The following GREP1 variants were observed in gnomAD, a reference collection of about 807,000 sequenced individuals.
The protein encoded by GREP1 is glycine-rich extracellular protein 1.
chr16:2,989,653 G>C lies in GREP1; in HGVS notation c.130+101G>C, dbSNP rs1251086524. 3 of 399,206 alleles carry C rather than the reference G, an allele frequency of 7.5e-6. No homozygotes were observed. Among genetic ancestry groups the C allele is most frequent in the Non-Finnish European group, 1.3e-5 (3 of 226,422 alleles). 24.7% of individuals were successfully genotyped at this position (399,206 alleles called of 1,614,324 possible). On this transcript the variant is annotated intron_variant, in intron 3 of 34. Coordinates refer to ENST00000573315, the Ensembl canonical transcript of GREP1. The surrounding 1 kb of genome is among the most constrained non-coding windows in gnomAD (Gnocchi z 4.2). ...AAAGCTGGGCGGGGGGCAGGTAAAG[G>C]GGGAAGCAGTCGTCTCAGAAATACA...
intron 2 of GREP1, among the ~76,000 whole-genome samples, 168 bp downstream of exon 2, chr16:2,988,790 C>T (rs1424599739): frequency 2.6e-5 from 4 of 152,172 alleles, no homozygotes; most frequent in Admixed American, 6.5e-5. Flanking sequence ...GTGGGGAGCA[C>T]AGACACCCTG....
intron 23 of GREP1, 134 bp downstream of exon 21, chr16:2,997,969 G>A (rs1024013836): frequency 1.1e-5 from 4 of 351,070 alleles, no homozygotes; most frequent in Non-Finnish European, 2.0e-5. Context: ...CTGTGGGAAG[G>A]AGCCCAGCCA....
At chr16:2,999,349 T>A (rs538659751) in intron 27 of GREP1, 2 of 398,584 alleles carry the variant, frequency 5.0e-6, no homozygotes, top group Non-Finnish European at 8.8e-6. Context: ...GGACAAACTC[T>A]CAGCTAGGTC....
chr16:2,995,083 G>C, intron 13 of GREP1, 121 bp downstream of exon 14: 1 of 398,128 alleles, frequency 2.5e-6, no homozygotes, highest in Non-Finnish European at 4.4e-6. Flanking sequence ...TTGGCTTCTG[G>C]CTTGGCCCTG....
chr16:2,995,769 C>A (rs2072421484), exon 17 of GREP1: 1 of 398,592 alleles, frequency 2.5e-6, no homozygotes, highest in Admixed American at 4.4e-5. Flanking sequence ...CCTCTGAAGC[C>A]AGGTGAGCCC....
At chr16:2,988,442 A>G (rs2072382207) in intron 1 of GREP1, 102 bp downstream of exon 1, 1 of 399,134 alleles carries the variant, frequency 2.5e-6, no homozygotes. Context: ...TTCTGGAGAC[A>G]AGGAGGGCTG....
rs895548091 is a variant in GREP1, at chr16:2,995,860, A to G, written c.626A>G (p.Tyr209Cys). The change falls in exon 18 of 35, where the codon TAT (tyrosine) becomes TGT (cysteine). Residue 209 changes from tyrosine to cysteine, a missense_variant. Physicochemically the swap from Tyr to Cys is radical, Grantham distance 194. Coordinates refer to ENST00000573315, the Ensembl canonical transcript of GREP1. The stretch of plus-strand genomic sequence containing the variant: ...CTCATGCTCCCTCCCTCTCCAGGAT[A>G]TGGGAAAAGGCTGAGAGCAGGGGCC... 1.0e-5 allele frequency: 4 copies of G among 398,104 alleles called. No individual in the cohort carries two copies. The East Asian group carries it at 1.4e-4, about 14-fold the overall frequency. The allele number at this position is 398,104 out of a possible 1,614,324, so 24.7% of individuals were successfully genotyped here.
At position 2,996,540 on chromosome 16, in the gene GREP1, A is replaced by G; in HGVS notation, c.712+9A>G. ...ACCGGGAGTCCAGCCAGGTGAGGGC[A>G]GCTGGGCCTGGCTCGCGAGGGGTCG... On this transcript the variant is annotated intron_variant, in intron 19 of 34. Transcript: ENST00000573315. 5.0e-6 allele frequency: 2 copies of G among 399,288 alleles called. No individual in the cohort carries two copies. The highest frequency in any genetic ancestry group is 8.8e-6 in the Non-Finnish European group (2 of 226,280). 24.7% of individuals were successfully genotyped at this position (399,288 alleles called of 1,614,324 possible).
exon 15 of GREP1, chr16:2,995,418 T>C (rs2072419433): frequency 2.5e-6 from 1 of 398,800 alleles, no homozygotes; most frequent in South Asian, 1.3e-4. Flanking sequence ...GGAATGGGAA[T>C]GGGCTGAGTG....
chr16:2,998,883 C>A, exon 26 of GREP1: 1 of 399,192 alleles, frequency 2.5e-6, no homozygotes, highest in Non-Finnish European at 4.4e-6. Context: ...GATGCTCCTC[C>A]CCAGGCTTCC....
At chr16:2,999,184 C>T in intron 26 of GREP1, 1 of 398,900 alleles carries the variant, frequency 2.5e-6, no homozygotes, top group Admixed American at 4.4e-5. Flanking sequence ...TCCTTTCCAT[C>T]CCTGCCCCAT....
chr16:2,988,384 T>C, intron 1 of GREP1, 44 bp downstream of exon 1: 1 of 399,082 alleles, frequency 2.5e-6, no homozygotes, highest in Non-Finnish European at 4.4e-6. Flanking sequence ...AATGGGCATC[T>C]GTGACTGGGG....
chr16:2,995,539 C>T (rs2072420217), intron 15 of GREP1, 80 bp from the exon 16 acceptor site: 2 of 398,702 alleles, frequency 5.0e-6, no homozygotes. Context: ...TGAAGGGCTG[C>T]TGGGAGGAAG....
intron 26 of GREP1, 168 bp downstream of exon 24, chr16:2,999,147 G>T: frequency 2.5e-6 from 1 of 398,672 alleles, no homozygotes; most frequent in South Asian, 1.3e-4. Context: ...CTGGCCCTGG[G>T]ACCCCATGTG....
At chr16:2,988,763 C>A in intron 2 of GREP1, 141 bp downstream of exon 2, 1 of 398,102 alleles carries the variant, frequency 2.5e-6, no homozygotes, top group Admixed American at 4.4e-5. Flanking sequence ...GGAGTCTCAT[C>A]AAGTGTCCAC....
At position 3,000,846 on chromosome 16, in the gene GREP1, G is replaced by T; in HGVS notation, c.1531+19G>T. 1 of 399,052 alleles carries T rather than the reference G, an allele frequency of 2.5e-6. No homozygotes were observed. The highest frequency in any genetic ancestry group is 1.3e-4 in the South Asian group (1 of 7,692). The allele number at this position is 399,052 out of a possible 1,614,324, so 24.7% of individuals were successfully genotyped here. A position where few individuals can be genotyped will look rare whatever the true frequency, so the allele number is the denominator to read the frequency against. ...CAGCCAGGTAACGGGATGCCTGGAT[G>T]AGTGTGTTGGGGCCATTAGAGGTGG... On this transcript the variant is annotated intron_variant, in intron 33 of 34. Transcript: ENST00000573315.
chr16:3,001,161 G>A, intron 33 of GREP1, 120 bp from the exon 28 acceptor site: 1 of 398,554 alleles, frequency 2.5e-6, no homozygotes, highest in Non-Finnish European at 4.4e-6. Flanking sequence ...AGAAACTGAG[G>A]CAGAGCTGAG....
intron 23 of GREP1, 32 bp downstream of exon 21, chr16:2,997,867 C>G: frequency 5.0e-6 from 2 of 398,690 alleles, no homozygotes; most frequent in Non-Finnish European, 8.8e-6. Flanking sequence ...CTCTCCCTAC[C>G]TGCAGAAACT....
intron 1 of GREP1, 60 bp downstream of exon 1, chr16:2,988,400 G>C: frequency 2.5e-6 from 1 of 399,220 alleles, no homozygotes; most frequent in Non-Finnish European, 4.4e-6. Flanking sequence ...TGGGGCTGGG[G>C]GTCCAAGTGG....
Sources: gnomAD v4.1 joint callset for allele counts (sites outside exome capture counted in the v4.1 genomes callset) on GRCh38, gnomAD v4.1.1 for gene constraint, Gnocchi (gnomAD v3.1) non-coding constraint, MANE v1.5 for transcripts, NCBI Gene and HGNC (gene_info 2026-07-23, HGNC 2026-07-21) for gene names.